The following FOXP1 variants were observed in gnomAD, a reference collection of about 807,000 sequenced individuals.
FOXP1 encodes the protein forkhead box P1.
In FOXP1, 15 loss-of-function variants were observed where a neutral mutation model predicts 98.2. That is an observed-to-expected ratio of 0.15 (90% CI 0.10 to 0.24). FOXP1 has a LOEUF of 0.24. Among genes scored for constraint, FOXP1 ranks in the 10% least tolerant of loss-of-function variants. FOXP1 has a pLI of 1.00. For synonymous variants in FOXP1, 371 were observed against 314.5 expected (o/e 1.18, Z -1.90); for missense variants, 633 against 848.5 (o/e 0.75, Z 3.15).
At chr3:71,477,623 T>C (rs1402758506) in intron 3 of FOXP1, among the ~76,000 whole-genome samples, 1 of 152,226 alleles carries the variant, frequency 6.6e-6, no homozygotes, top group Admixed American at 6.5e-5. Flanking sequence ...TGATTTCTAT[T>C]TCTCTTATGA....
chr3:71,402,234 C>T (rs1279256014), intron 3 of FOXP1, among the ~76,000 whole-genome samples: 1 of 152,176 alleles, frequency 6.6e-6, no homozygotes, highest in Non-Finnish European at 1.5e-5. Context: ...GCAGGTGGAT[C>T]ACTTGAGCAC....
chr3:71,097,518 T>C (rs758121037), intron 7 of FOXP1, among the ~76,000 whole-genome samples: 13 of 152,170 alleles, frequency 8.5e-5, no homozygotes, highest in Non-Finnish European at 1.8e-4. Context: ...TTTGCAGATA[T>C]CATAAAAAGT....
intron 4 of FOXP1, among the ~76,000 whole-genome samples, chr3:71,339,972 T>C (rs1162118603): frequency 6.6e-6 from 1 of 152,246 alleles, no homozygotes; most frequent in Non-Finnish European, 1.5e-5. Context: ...AACTATTTTA[T>C]TGCTCATAAA....
chr3:71,366,165 G>C (rs540891214), intron 3 of FOXP1, among the ~76,000 whole-genome samples: 5 of 152,146 alleles, frequency 3.3e-5, no homozygotes, highest in African/African-American at 9.6e-5. Flanking sequence ...GGATGGCAAA[G>C]CTCAGAGACA....
rs550534115 is a variant in FOXP1, at chr3:71,583,639, G to A, written c.-515C>T. On this transcript the variant is annotated 5_prime_UTR_variant, in exon 1 of 21. Coordinates refer to ENST00000649528, the MANE Select transcript of FOXP1 (RefSeq NM_001349338.3). The stretch of plus-strand genomic sequence containing the variant: ...CCTTTCCCCGCGCGCGCCCACTCCC[G>A]CCCGCGCGCGCACCCCGCGCACACA... 12 of 983,032 alleles carry A rather than the reference G, an allele frequency of 1.2e-5. No homozygotes were observed. In the East Asian group the frequency reaches 1.3e-3, roughly 104 times the overall value. 60.9% of individuals were successfully genotyped at this position (983,032 alleles called of 1,614,324 possible).
intron 6 of FOXP1, among the ~76,000 whole-genome samples, chr3:71,119,904 A>C (rs1006186407): frequency 1.2e-4 from 19 of 152,232 alleles, no homozygotes; most frequent in South Asian, 2.1e-4. Flanking sequence ...ATTTTTTAAA[A>C]TTTTATTTTA....
chr3:71,095,405 A>G (rs1339146813), intron 7 of FOXP1, among the ~76,000 whole-genome samples: 2 of 152,198 alleles, frequency 1.3e-5, no homozygotes, highest in Non-Finnish European at 2.9e-5. Flanking sequence ...AATGGCCCCA[A>G]AATTCCAGAA....
At chr3:71,057,939 T>G (rs953889265) in intron 7 of FOXP1, among the ~76,000 whole-genome samples, 2 of 152,198 alleles carry the variant, frequency 1.3e-5, no homozygotes, top group African/African-American at 4.8e-5. Flanking sequence ...CCATACACAC[T>G]GCTGTGTAAA....
chr3:70,975,197 A>T lies in FOXP1; in HGVS notation c.1530+1744T>A, dbSNP rs2037239297. Among the ~76,000 whole-genome samples the T allele has an allele frequency of 2.0e-5, 3 of 152,226 alleles. No individual in the cohort carries two copies. In the South Asian group the frequency reaches 6.2e-4, roughly 32 times the overall value. The stretch of plus-strand genomic sequence containing the variant: ...AATATTATATTCACAACTGGTAATT[A>T]TTTTTAAATTTCATCATTTCTATTT... On this transcript the variant is annotated intron_variant, in intron 17 of 20. Coordinates refer to ENST00000649528, the MANE Select transcript of FOXP1 (RefSeq NM_001349338.3).
chr3:71,277,261 C>CTTTT (rs34816352), intron 5 of FOXP1, among the ~76,000 whole-genome samples: 1 of 133,734 alleles, frequency 7.5e-6, no homozygotes, highest in South Asian at 2.4e-4. Context: ...CCTGGCTGAA[C>CTTTT]TTTTTTTTTT....
chr3:71,501,279 T>C (rs2041322764), intron 2 of FOXP1, among the ~76,000 whole-genome samples: 2 of 120,092 alleles, frequency 1.7e-5, no homozygotes, highest in South Asian at 2.4e-4. Flanking sequence ...AAATCCAAAC[T>C]CTGAAATGCT....
chr3:71,422,766 A>G (rs527841136), intron 3 of FOXP1, among the ~76,000 whole-genome samples: 16 of 152,286 alleles, frequency 1.1e-4, no homozygotes, highest in South Asian at 1.0e-3. Flanking sequence ...CCAATGGAAG[A>G]AAAAAAGGGG....
chr3:71,353,492 A>C (rs1191347905), intron 4 of FOXP1, among the ~76,000 whole-genome samples: 1 of 151,972 alleles, frequency 6.6e-6, no homozygotes, highest in African/African-American at 2.4e-5. Context: ...TTTCTGATTT[A>C]TTCACTTACT....
At position 71,544,242 on chromosome 3, in the gene FOXP1, A is replaced by G. The variant is rs1477178654; in HGVS notation, c.-298+37307T>C. 3.3e-5 allele frequency among the ~76,000 whole-genome samples: 5 copies of G among 151,864 alleles called. No individual in the cohort carries two copies. The East Asian group carries it at 9.6e-4, about 29-fold the overall frequency. The stretch of plus-strand genomic sequence containing the variant: ...ATAAAGGTTAGAAATATTTTATGAT[A>G]TAAATCCAGTTATAAAATATGTATT... On this transcript the variant is annotated intron_variant, in intron 2 of 20. Transcript: ENST00000649528.
chr3:71,301,522 C>T (rs1230555308), intron 4 of FOXP1, among the ~76,000 whole-genome samples: 4 of 152,152 alleles, frequency 2.6e-5, no homozygotes, highest in Non-Finnish European at 5.9e-5. Context: ...AAAGCAAGAA[C>T]GCCTTTTCCT....
At chr3:71,443,575 T>C (rs1025226977) in intron 3 of FOXP1, among the ~76,000 whole-genome samples, 2 of 152,102 alleles carry the variant, frequency 1.3e-5, no homozygotes, top group African/African-American at 4.8e-5. Context: ...CAGAATCGCC[T>C]ATAGGGCTGG....
chr3:71,196,570 T>G (rs2063315713), intron 6 of FOXP1, among the ~76,000 whole-genome samples: 1 of 152,224 alleles, frequency 6.6e-6, no homozygotes. Context: ...AGTGCTCAAG[T>G]GCTTCATAAA....
intron 5 of FOXP1, among the ~76,000 whole-genome samples, chr3:71,259,868 G>T (rs2107166763): frequency 6.6e-6 from 1 of 152,324 alleles, no homozygotes; most frequent in African/African-American, 2.4e-5. Flanking sequence ...CCACAGGTAA[G>T]CCCCTTTGGT....
intron 18 of FOXP1, 107 bp downstream of exon 18, chr3:70,972,448 G>A (rs1350475560): frequency 1.1e-5 from 16 of 1,505,672 alleles, no homozygotes; most frequent in Middle Eastern, 1.7e-4. Flanking sequence ...CTGAGACAAC[G>A]TGAAACCAGT....
Sources: gnomAD v4.1 joint callset for allele counts (sites outside exome capture counted in the v4.1 genomes callset) on GRCh38, gnomAD v4.1.1 for gene constraint, MANE v1.5 for transcripts, NCBI Gene and HGNC (gene_info 2026-07-23, HGNC 2026-07-21) for gene names.